The following SNX29 variants were observed in gnomAD, a reference collection of about 807,000 sequenced individuals.
SNX29 encodes sorting nexin-29.
Under a neutral mutation model 102.1 loss-of-function variants are expected in SNX29, and 78 were observed. That is an observed-to-expected ratio of 0.76 (90% confidence interval 0.64 to 0.92). The LOEUF (loss-of-function observed/expected upper bound fraction) is 0.92, where lower values mean the gene tolerates loss of function less well. Among genes scored for constraint, SNX29 ranks in the 40% least tolerant of loss-of-function variants. SNX29 has a pLI of 0.00. For missense variants in SNX29, 1,280 were observed against 1,061.7 expected, an observed-to-expected ratio of 1.21 and a Z score of -2.86; for synonymous variants, 580 against 414.5, an observed-to-expected ratio of 1.40 and a Z score of -4.85.
intron 14 of SNX29, 84 bp downstream of exon 14, chr16:12,199,767 T>C (rs2076868175): frequency 9.1e-7 from 1 of 1,101,260 alleles, no homozygotes; most frequent in Non-Finnish European, 1.4e-6. Flanking sequence ...ACACTCAATG[T>C]GTGACGAGTG....
At chr16:12,285,422 C>G (rs1026363935) in intron 15 of SNX29, among the ~76,000 whole-genome samples, 1 of 152,174 alleles carries the variant, frequency 6.6e-6, no homozygotes, top group Non-Finnish European at 1.5e-5. Flanking sequence ...CGTTTACTGT[C>G]TGAGTGTGGT....
intron 9 of SNX29, among the ~76,000 whole-genome samples, chr16:12,065,477 C>G (rs1364850959): frequency 2.0e-5 from 3 of 152,172 alleles, no homozygotes; most frequent in Admixed American, 2.0e-4. Flanking sequence ...CAAGGGCTTT[C>G]TTAGGTTCCT....
intron 11 of SNX29, among the ~76,000 whole-genome samples, chr16:12,110,050 A>T (rs949016837): frequency 6.6e-6 from 1 of 152,062 alleles, no homozygotes; most frequent in Non-Finnish European, 1.5e-5. Flanking sequence ...AATGAGTGTG[A>T]TCTCACTGTC....
intron 16 of SNX29, among the ~76,000 whole-genome samples, chr16:12,376,842 CTCTG>C (rs1318413244): frequency 2.0e-5 from 3 of 151,586 alleles, no homozygotes; most frequent in African/African-American, 7.3e-5. Flanking sequence ...CTTCTCTTTC[CTCTG>C]TCTCTTTGCC....
intron 20 of SNX29, among the ~76,000 whole-genome samples, chr16:12,542,522 G>T (rs1032647666): frequency 3.3e-5 from 5 of 152,212 alleles, no homozygotes; most frequent in Non-Finnish European, 5.9e-5. Context: ...AGGAGAGGCA[G>T]GGTTTCACCA....
rs569807650 is a variant in SNX29 at position 12,493,012 on chromosome 16, C to T, written c.2178+15153C>T. On this transcript the variant is annotated intron_variant, in intron 19 of 20. Coordinates refer to ENST00000566228, the MANE Select transcript of SNX29 (RefSeq NM_032167.5). ...TTGGCTTAGGATTGACTTGGCAATG[C>T]GGGCTCTTTTTTGGTTCCATATGAA... Among the ~76,000 whole-genome samples, 573 of 152,232 alleles carry T rather than the reference C, an allele frequency of 3.8e-3. 9 individuals are homozygous for T. Among genetic ancestry groups the T allele is most frequent in the African/African-American group, 0.012 (493 of 41,534 alleles).
intron 11 of SNX29, among the ~76,000 whole-genome samples, chr16:12,106,856 C>A (rs1316056804): frequency 6.6e-6 from 1 of 151,992 alleles, no homozygotes; most frequent in Non-Finnish European, 1.5e-5. Flanking sequence ...CACTCTGTCA[C>A]CCAGGCTGCA....
At chr16:12,424,642 T>C (rs1001996909) in intron 18 of SNX29, among the ~76,000 whole-genome samples, 3 of 152,174 alleles carry the variant, frequency 2.0e-5, no homozygotes, top group African/African-American at 7.2e-5. Flanking sequence ...AAGTAGCTTA[T>C]GAAGCAAGCA....
intron 20 of SNX29, among the ~76,000 whole-genome samples, chr16:12,543,645 C>T (rs1442561173): frequency 6.6e-6 from 1 of 152,092 alleles, no homozygotes; most frequent in Non-Finnish European, 1.5e-5. Context: ...CTGGTGCCGT[C>T]TGTCTCCAGA....
intron 20 of SNX29, among the ~76,000 whole-genome samples, chr16:12,534,756 T>G (rs1204525178): frequency 6.6e-6 from 1 of 152,230 alleles, no homozygotes; most frequent in Admixed American, 6.5e-5. Flanking sequence ...CAAGTGGCTT[T>G]CTTTCTGCGT....
chr16:12,484,081 C>G (rs986735808), intron 19 of SNX29, among the ~76,000 whole-genome samples: 1 of 152,242 alleles, frequency 6.6e-6, no homozygotes, highest in African/African-American at 2.4e-5. Context: ...GTCCCATGGA[C>G]TCCACTTTCA....
At chr16:12,567,090 G>A (rs141137293) in intron 20 of SNX29, among the ~76,000 whole-genome samples, 10 of 152,368 alleles carry the variant, frequency 6.6e-5, no homozygotes, top group African/African-American at 2.2e-4. Flanking sequence ...TCCTCGAGGG[G>A]AATGATTTCT....
chr16:12,176,870 G>C (rs2076272132), intron 13 of SNX29, among the ~76,000 whole-genome samples: 2 of 152,098 alleles, frequency 1.3e-5, no homozygotes, highest in African/African-American at 4.8e-5. Context: ...CATTTTACTA[G>C]GGTTTATGAC....
rs2076864952 is a variant in SNX29 at position 12,199,650 on chromosome 16, C to T, written c.1645C>T (p.Gln549Ter). The change falls in exon 14 of 21, where the codon CAG (glutamine) becomes TAG (stop). Residue 549 changes from glutamine (Q) to a stop codon, truncating the protein, a stop_gained. Transcript: ENST00000566228. LOFTEE classifies it high-confidence loss of function. ...ACTGAAGAAATATGTAGGAGCTGTC[C>T]AGATGCTGAAAAGAGAAGGTCAAAC... is the stretch of plus-strand genomic sequence containing the variant. The part of the protein sequence containing the change: ...VQLKKYVGAV[Q>*]MLKREGQTAE... The T allele has an allele frequency of 6.2e-7, 1 of 1,613,074 alleles. No homozygotes were observed.
chr16:12,495,598 G>T (rs1212177155), intron 19 of SNX29, among the ~76,000 whole-genome samples: 2 of 152,336 alleles, frequency 1.3e-5, no homozygotes, highest in East Asian at 1.9e-4. Context: ...CTTAAACATG[G>T]TAAGTGTGTT....
At chr16:12,550,812 G>T (rs1477933831) in intron 20 of SNX29, among the ~76,000 whole-genome samples, 1 of 152,148 alleles carries the variant, frequency 6.6e-6, no homozygotes, top group African/African-American at 2.4e-5. Flanking sequence ...CCAAGAATAT[G>T]TGTTAATTTA....
chr16:12,026,492 G>A (rs1177076779), intron 3 of SNX29, among the ~76,000 whole-genome samples: 1 of 152,210 alleles, frequency 6.6e-6, no homozygotes, highest in African/African-American at 2.4e-5. Flanking sequence ...GGGCTCAGAA[G>A]TCCACAGACC....
Position 12,572,929 on chromosome 16 carries a change from C to A in SNX29, c.*4300C>A. On this transcript the variant is annotated 3_prime_UTR_variant, in exon 21 of 21. Coordinates refer to ENST00000566228, the MANE Select transcript of SNX29 (RefSeq NM_032167.5). ...TCACGGCAGACTTGGAGTGTTTCTT[C>A]AAGGCAGGCATCTGCTTATGAGCAA... 1 of 893,152 alleles carries A rather than the reference C, an allele frequency of 1.1e-6. No homozygotes were observed. The highest frequency in any genetic ancestry group is 1.4e-6 in the Non-Finnish European group (1 of 722,968). The allele number at this position is 893,152 out of a possible 1,614,324, so 55.3% of individuals were successfully genotyped here.
chr16:12,200,009 G>A (rs969712650), intron 14 of SNX29, among the ~76,000 whole-genome samples: 6 of 152,088 alleles, frequency 3.9e-5, no homozygotes, highest in African/African-American at 9.7e-5. Context: ...AGCAGGCCAC[G>A]GGTGCAAGCA....
Sources: gnomAD v4.1 joint callset for allele counts (sites outside exome capture counted in the v4.1 genomes callset) on GRCh38, gnomAD v4.1.1 for gene constraint, MANE v1.5 for transcripts, NCBI Gene and HGNC (gene_info 2026-07-23, HGNC 2026-07-21) for gene names.